GTF2F2: variants seen among roughly 807,000 people sequenced by gnomAD.
The protein encoded by GTF2F2 is ATP-dependent helicase GTF2F2.
A neutral mutation model predicts 42.2 loss-of-function variants in GTF2F2; 23 were observed. The observed-to-expected ratio is 0.55, with a 90% CI of 0.39 to 0.77. The LOEUF is 0.77. Ranked by LOEUF, GTF2F2 falls within the 30% of genes least tolerant of loss-of-function variation. The pLI is 0.00. For synonymous variants in GTF2F2, 105 were observed against 100.8 expected (o/e 1.04, Z -0.25); for missense variants, 261 against 287.2 (o/e 0.91, Z 0.66).
chr13:45,242,684 T>C (rs1365989918), intron 5 of GTF2F2, among the ~76,000 whole-genome samples: 1 of 152,242 alleles, frequency 6.6e-6, no homozygotes, highest in Non-Finnish European at 1.5e-5. Context: ...ATGTATTAAA[T>C]TAGGCAGAAT....
At chr13:45,206,657 G>T (rs552804150) in intron 4 of GTF2F2, 1 of 152,256 alleles carries the variant, frequency 6.6e-6, no homozygotes, top group East Asian at 1.9e-4. Flanking sequence ...AATAAGGTAA[G>T]GTCTGTCAAG....
chr13:45,190,567 T>C (rs527577168), intron 4 of GTF2F2, among the ~76,000 whole-genome samples: 64 of 152,212 alleles, frequency 4.2e-4, no homozygotes, highest in Non-Finnish European at 7.5e-4. Context: ...TCTCTGTTTC[T>C]TCATCAGTAA....
intron 7 of GTF2F2, 63 bp from the exon 8 acceptor site, chr13:45,283,379 T>TA (rs1303611052): frequency 2.1e-6 from 3 of 1,458,058 alleles, no homozygotes; most frequent in Non-Finnish European, 2.8e-6. Context: ...CATATCATCT[T>TA]ATTTTAAGTT....
chr13:45,237,981 T>C (rs760747118), intron 5 of GTF2F2, among the ~76,000 whole-genome samples: 7 of 152,134 alleles, frequency 4.6e-5, no homozygotes, highest in Non-Finnish European at 8.8e-5. Context: ...TGAGATGAAG[T>C]CTCACTCTGT....
intron 4 of GTF2F2, among the ~76,000 whole-genome samples, chr13:45,168,977 T>C: frequency 7.6e-6 from 1 of 132,426 alleles, no homozygotes; most frequent in African/African-American, 2.8e-5. Context: ...CCTCCTTCCC[T>C]CCTTCCTCCC....
At chr13:45,264,336 T>G (rs1236750367) in intron 6 of GTF2F2, among the ~76,000 whole-genome samples, 1 of 151,994 alleles carries the variant, frequency 6.6e-6, no homozygotes, top group African/African-American at 2.4e-5. Flanking sequence ...GAGTGGAGTG[T>G]AGTGGCACGA....
At chr13:45,247,561 T>C (rs1875693765) in intron 5 of GTF2F2, among the ~76,000 whole-genome samples, 1 of 150,964 alleles carries the variant, frequency 6.6e-6, no homozygotes, top group Admixed American at 6.6e-5. Context: ...CCCAGCTAAT[T>C]TTTTGTATTT....
chr13:45,262,610 G>T (rs1472700117), intron 6 of GTF2F2, among the ~76,000 whole-genome samples: 1 of 151,664 alleles, frequency 6.6e-6, no homozygotes, highest in East Asian at 1.9e-4. Flanking sequence ...GTAGAGGCTG[G>T]GTTTTGCCAT....
chr13:45,143,547 T>C (rs923206950), intron 2 of GTF2F2, among the ~76,000 whole-genome samples: 1 of 152,240 alleles, frequency 6.6e-6, no homozygotes, highest in Non-Finnish European at 1.5e-5. Context: ...ACAGGCCAGA[T>C]AGTAGATACT....
At chr13:45,156,973 G>A (rs1373906413) in intron 4 of GTF2F2, among the ~76,000 whole-genome samples, 2 of 152,162 alleles carry the variant, frequency 1.3e-5, no homozygotes, top group Non-Finnish European at 2.9e-5. Flanking sequence ...ACTAAGAGGA[G>A]ACAACAGTAA....
At chr13:45,150,344 C>T (rs982305699) in intron 3 of GTF2F2, among the ~76,000 whole-genome samples, 35 of 152,026 alleles carry the variant, frequency 2.3e-4, no homozygotes, top group African/African-American at 8.5e-4. Flanking sequence ...ATTGAGCTAT[C>T]CTTTTAACTG....
chr13:45,218,246 T>A (rs1873969490), intron 5 of GTF2F2, among the ~76,000 whole-genome samples: 1 of 152,216 alleles, frequency 6.6e-6, no homozygotes, highest in African/African-American at 2.4e-5. Flanking sequence ...TTAAAATGGG[T>A]GCTGAAGGTG....
intron 4 of GTF2F2, among the ~76,000 whole-genome samples, chr13:45,177,479 T>G (rs1346358584): frequency 1.3e-5 from 2 of 152,234 alleles, no homozygotes; most frequent in Admixed American, 1.3e-4. Flanking sequence ...TAGTTCATTC[T>G]GCCTGGGATG....
intron 7 of GTF2F2, among the ~76,000 whole-genome samples, chr13:45,281,392 A>G (rs1476975119): frequency 6.6e-6 from 1 of 152,236 alleles, no homozygotes; most frequent in African/African-American, 2.4e-5. Flanking sequence ...TATGAACTCT[A>G]GAGCATTATA....
intron 4 of GTF2F2, among the ~76,000 whole-genome samples, chr13:45,170,733 T>C (rs1368426619): frequency 6.6e-6 from 1 of 152,152 alleles, no homozygotes; most frequent in Non-Finnish European, 1.5e-5. Flanking sequence ...TCAGAGGTGG[T>C]ATCTGAGAGA....
intron 4 of GTF2F2, among the ~76,000 whole-genome samples, chr13:45,173,779 A>G (rs572029804): frequency 3.3e-5 from 5 of 151,312 alleles, no homozygotes; most frequent in East Asian, 1.9e-4. Flanking sequence ...TACCACGCCC[A>G]GCTAATTTTT....
chr13:45,204,425 GTATT>G (rs908435655), intron 4 of GTF2F2, among the ~76,000 whole-genome samples: 7 of 152,186 alleles, frequency 4.6e-5, no homozygotes, highest in Non-Finnish European at 1.0e-4. Flanking sequence ...TATTTTTCAA[GTATT>G]TATGGTCTTT....
rs544567511 is a variant in GTF2F2 at position 45,281,985 on chromosome 13, G to A, written c.631-1457G>A. ...AGGCCGAAGTGGGTGGATCACCTGA[G>A]GACAGGAGTTCGAGACCAGCCTGGC... On this transcript the variant is annotated intron_variant, in intron 7 of 7. Coordinates refer to ENST00000340473, the MANE Select transcript of GTF2F2 (RefSeq NM_004128.3). Among the ~76,000 whole-genome samples, 20 of 152,200 alleles carry A rather than the reference G, an allele frequency of 1.3e-4. No homozygotes were observed. In the South Asian group the frequency reaches 4.1e-3, roughly 32 times the overall value.
At chr13:45,218,007 G>C (rs967712164) in intron 5 of GTF2F2, among the ~76,000 whole-genome samples, 1 of 152,230 alleles carries the variant, frequency 6.6e-6, no homozygotes, top group Non-Finnish European at 1.5e-5. Flanking sequence ...TGAAATAAAA[G>C]CCATTAGATT....
Sources: allele counts gnomAD v4.1 joint callset (sites outside exome capture counted in the v4.1 genomes callset), GRCh38; gene constraint gnomAD v4.1.1; transcripts MANE v1.5; gene names NCBI Gene and HGNC (gene_info 2026-07-23, HGNC 2026-07-21).